The following HPSE2 variants were observed in gnomAD, a reference collection of about 807,000 sequenced individuals.
The protein encoded by HPSE2 is heparanase 2 (inactive).
A neutral mutation model predicts 60.5 loss-of-function variants in HPSE2; 38 were observed. That is an observed-to-expected ratio of 0.63 (90% CI 0.48 to 0.82). The LOEUF is 0.82. HPSE2 is among the 40% of genes least tolerant of loss of function. The pLI is 0.00. For synonymous variants in HPSE2, 295 were observed against 293.2 expected, an observed-to-expected ratio of 1.01 and a Z score of -0.06; for missense variants, 713 against 740.4, an observed-to-expected ratio of 0.96 and a Z score of 0.43.
intron 3 of HPSE2, among the ~76,000 whole-genome samples, chr10:98,767,470 T>G (rs1183276053): frequency 6.7e-6 from 1 of 150,230 alleles, no homozygotes; most frequent in Non-Finnish European, 1.5e-5. Context: ...ATACATTATA[T>G]GTTTATATAA....
chr10:98,474,446 G>A (rs550133242), intron 11 of HPSE2, among the ~76,000 whole-genome samples: 1 of 152,244 alleles, frequency 6.6e-6, no homozygotes, highest in East Asian at 1.9e-4. Context: ...GGGACACGAA[G>A]ATATTTTTAA....
At chr10:99,165,528 C>CTTAT (rs1847041607) in intron 2 of HPSE2, among the ~76,000 whole-genome samples, 1 of 98,766 alleles carries the variant, frequency 1.0e-5, no homozygotes, top group Non-Finnish European at 2.3e-5. Flanking sequence ...CATTTATTTA[C>CTTAT]GTATTTATTT....
chr10:98,839,381 G>T (rs747844941), intron 3 of HPSE2, among the ~76,000 whole-genome samples: 9 of 152,146 alleles, frequency 5.9e-5, no homozygotes, highest in African/African-American at 1.9e-4. Context: ...ATTAGGCAAA[G>T]AAATATATTG....
Position 99,008,783 on chromosome 10 carries a change from T to A in HPSE2, c.610+135455A>T, listed in dbSNP as rs115380456. Among the ~76,000 whole-genome samples the A allele has an allele frequency of 2.9e-3, 448 of 152,298 alleles. 3 individuals are homozygous for A. The highest frequency in any genetic ancestry group is 0.01 in the African/African-American group (427 of 41,562). On this transcript the variant is annotated intron_variant, in intron 3 of 11. Coordinates refer to ENST00000370552, the MANE Select transcript of HPSE2 (RefSeq NM_021828.5). ...TCAATTCTAAAGCAGCCAGACTCAG[T>A]GCTTAAGGGACTGAAATGTATATAG...
chr10:98,666,520 C>G (rs1187310465), intron 6 of HPSE2, among the ~76,000 whole-genome samples: 1 of 152,144 alleles, frequency 6.6e-6, no homozygotes, highest in African/African-American at 2.4e-5. Context: ...CTAAGATTGA[C>G]TACATGCTGA....
chr10:99,237,543 G>A (rs1293445081), upstream of HPSE2, among the ~76,000 whole-genome samples: 1 of 152,190 alleles, frequency 6.6e-6, no homozygotes, highest in Non-Finnish European at 1.5e-5. Flanking sequence ...GAAGCGCCAT[G>A]ACGACCTTCT....
At chr10:99,246,350 A>G in the HPSE2 span, among the ~76,000 whole-genome samples, 5 of 152,356 alleles carry the variant, frequency 3.3e-5, no homozygotes, top group South Asian at 2.1e-4. Flanking sequence ...GAAACCTCAC[A>G]GTGTACCTGG....
chr10:98,954,286 G>A (rs188376104), intron 3 of HPSE2, among the ~76,000 whole-genome samples: 130 of 152,042 alleles, frequency 8.6e-4, no homozygotes, highest in Middle Eastern at 3.4e-3. Flanking sequence ...CAGCCTAGGC[G>A]AGAGAGTGAG....
intron 3 of HPSE2, among the ~76,000 whole-genome samples, chr10:99,074,740 G>A (rs760684507): frequency 3.3e-5 from 5 of 151,966 alleles, no homozygotes; most frequent in Non-Finnish European, 7.4e-5. Flanking sequence ...ACTCATTATT[G>A]GCCCGTCCAG....
chr10:99,313,575 T>G, the HPSE2 span, among the ~76,000 whole-genome samples: 274 of 149,854 alleles, frequency 1.8e-3, 4 homozygotes, highest in Non-Finnish European at 6.2e-4. Flanking sequence ...CAGCAGGGTT[T>G]GAGATGACTG....
Position 98,468,971 on chromosome 10 carries a change from T to G in HPSE2, c.1614-9232A>C, listed in dbSNP as rs184978948. Among the ~76,000 whole-genome samples the G allele has an allele frequency of 2.6e-5, 4 of 152,312 alleles. No individual in the cohort carries two copies. In the East Asian group the frequency reaches 7.7e-4, roughly 29 times the overall value. On this transcript the variant is annotated intron_variant, in intron 11 of 11. Transcript: ENST00000370552. ...TGGTGAGCAGTTTTGATCTAGCTTC[T>G]GTATCACTGACCAGAGAAAATACCA...
intron 3 of HPSE2, among the ~76,000 whole-genome samples, chr10:99,021,612 A>G (rs1957264947): frequency 6.6e-6 from 1 of 152,212 alleles, no homozygotes; most frequent in South Asian, 2.1e-4. Flanking sequence ...AAGAGAAGAC[A>G]AAGTAAGGTG....
chr10:99,095,933 G>C (rs560423336), intron 3 of HPSE2, among the ~76,000 whole-genome samples: 1 of 152,018 alleles, frequency 6.6e-6, no homozygotes, highest in African/African-American at 2.4e-5. Context: ...TTCTTTGCTT[G>C]TATACAATGG....
At chr10:99,173,216 T>C (rs1480897678) in intron 2 of HPSE2, among the ~76,000 whole-genome samples, 2 of 152,112 alleles carry the variant, frequency 1.3e-5, no homozygotes, top group Non-Finnish European at 2.9e-5. Context: ...GTCTGTTCAC[T>C]AGAATAACAT....
intron 3 of HPSE2, among the ~76,000 whole-genome samples, chr10:99,069,165 A>G (rs1842707270): frequency 6.6e-6 from 1 of 152,184 alleles, no homozygotes; most frequent in African/African-American, 2.4e-5. Context: ...AACAAAACCC[A>G]GAAGAGTAGA....
chr10:99,178,101 T>C (rs758783113), intron 2 of HPSE2, among the ~76,000 whole-genome samples: 1 of 151,880 alleles, frequency 6.6e-6, no homozygotes, highest in African/African-American at 2.4e-5. Flanking sequence ...CCAGAATCTC[T>C]GGGACACAGC....
At chr10:99,269,155 G>A in the HPSE2 span, among the ~76,000 whole-genome samples, 12 of 148,740 alleles carry the variant, frequency 8.1e-5, no homozygotes, top group South Asian at 1.3e-3. Context: ...GCGAGACTTC[G>A]TCAAAAAAAA....
chr10:98,544,156 A>G (rs1336784260), intron 9 of HPSE2, among the ~76,000 whole-genome samples: 32 of 152,222 alleles, frequency 2.1e-4, no homozygotes, highest in Admixed American at 2.1e-3. Context: ...CAATCAAACT[A>G]GAACTCAGGA....
At chr10:98,814,674 G>A (rs1393025078) in intron 3 of HPSE2, among the ~76,000 whole-genome samples, 1 of 152,196 alleles carries the variant, frequency 6.6e-6, no homozygotes, top group African/African-American at 2.4e-5. Flanking sequence ...TTGCATGCTT[G>A]TTATTTGGGC....
Sources: gnomAD v4.1 joint callset for allele counts (sites outside exome capture counted in the v4.1 genomes callset) on GRCh38, gnomAD v4.1.1 for gene constraint, MANE v1.5 for transcripts, NCBI Gene and HGNC (gene_info 2026-07-23, HGNC 2026-07-21) for gene names.